The following IQCM variants were observed in gnomAD, a reference collection of about 807,000 sequenced individuals.
IQCM encodes IQ motif containing M.
In IQCM, 45 loss-of-function variants were observed where a neutral mutation model predicts 57.6. The observed-to-expected ratio is 0.78, with a 90% CI of 0.62 to 1.00. IQCM has a LOEUF of 1.00. Ranked by LOEUF, IQCM falls within the 50% of genes least tolerant of loss-of-function variation. IQCM has a pLI of 0.00. For synonymous variants in IQCM, 148 were observed against 158.9 expected (o/e 0.93, Z 0.51); for missense variants, 468 against 511.6 (o/e 0.91, Z 0.82).
intron 8 of IQCM, among the ~76,000 whole-genome samples, chr4:149,613,237 A>C (rs1755464311): frequency 6.6e-6 from 1 of 152,056 alleles, no homozygotes; most frequent in African/African-American, 2.4e-5. Flanking sequence ...AGAGAAGAAA[A>C]TATGATGAGG....
intron 12 of IQCM, among the ~76,000 whole-genome samples, chr4:149,546,925 GT>G (rs1748501261): frequency 6.6e-6 from 1 of 152,110 alleles, no homozygotes; most frequent in African/African-American, 2.4e-5. Flanking sequence ...TATTGCCTAG[GT>G]TTTCTTCTAG....
intron 8 of IQCM, among the ~76,000 whole-genome samples, chr4:149,619,655 T>C (rs1245044265): frequency 1.3e-5 from 2 of 152,110 alleles, no homozygotes; most frequent in South Asian, 4.1e-4. Context: ...ATTCAACAGG[T>C]AGATAAAAGA....
intron 12 of IQCM, among the ~76,000 whole-genome samples, chr4:149,502,377 G>A (rs1743340559): frequency 6.6e-6 from 1 of 152,144 alleles, no homozygotes; most frequent in South Asian, 2.1e-4. Flanking sequence ...AGAAATGGAA[G>A]AGGCTGGGTG....
At chr4:149,768,315 G>C (rs1174980543) in intron 2 of IQCM, among the ~76,000 whole-genome samples, 1 of 152,036 alleles carries the variant, frequency 6.6e-6, no homozygotes, top group Non-Finnish European at 1.5e-5. Flanking sequence ...CACACAATCT[G>C]CTGATAATAA....
intron 8 of IQCM, among the ~76,000 whole-genome samples, chr4:149,612,116 G>A (rs1755350772): frequency 6.6e-6 from 1 of 151,800 alleles, no homozygotes; most frequent in Non-Finnish European, 1.5e-5. Context: ...GAGAGCAAAG[G>A]AGGAAGTACC....
At chr4:149,809,150 C>T (rs553253697) in intron 2 of IQCM, among the ~76,000 whole-genome samples, 3 of 152,120 alleles carry the variant, frequency 2.0e-5, no homozygotes, top group African/African-American at 7.2e-5. Context: ...AAAAACCCAG[C>T]TACCCGGGAG....
chr4:149,472,485 T>C lies in IQCM; in HGVS notation c.1229-38928A>G, dbSNP rs532641395. ...CGAAATAAAAGAGGACACAAACAAA[T>C]GGAAGAATATTCCATGCCCATGGAT... On this transcript the variant is annotated intron_variant, in intron 12 of 13. Coordinates refer to ENST00000636793, the MANE Select transcript of IQCM (RefSeq NM_001363507.2). Among the ~76,000 whole-genome samples the C allele has an allele frequency of 5.3e-4, 80 of 152,230 alleles. 1 individual carries two copies. In the South Asian group the frequency reaches 0.017, roughly 32 times the overall value.
At chr4:149,562,569 T>C (rs1750229003) in intron 10 of IQCM, among the ~76,000 whole-genome samples, 1 of 152,178 alleles carries the variant, frequency 6.6e-6, no homozygotes, top group African/African-American at 2.4e-5. Flanking sequence ...TAGACAGACA[T>C]GGGTTTGAAT....
At chr4:149,519,308 T>C (rs1745340065) in intron 12 of IQCM, among the ~76,000 whole-genome samples, 1 of 152,220 alleles carries the variant, frequency 6.6e-6, no homozygotes, top group Non-Finnish European at 1.5e-5. Flanking sequence ...GCTTTTCTAT[T>C]AATCAGACCA....
At chr4:149,611,695 G>A (rs1755306454) in intron 8 of IQCM, among the ~76,000 whole-genome samples, 1 of 152,034 alleles carries the variant, frequency 6.6e-6, no homozygotes, top group African/African-American at 2.4e-5. Context: ...GAGTAATGGG[G>A]GTGGTGAGAT....
chr4:149,799,629 G>A (rs1773424655), intron 2 of IQCM, among the ~76,000 whole-genome samples: 1 of 151,576 alleles, frequency 6.6e-6, no homozygotes, highest in African/African-American at 2.4e-5. Flanking sequence ...AGTAAAATCG[G>A]AGATGAGAAA....
chr4:149,376,618 T>C (rs1158738462), intron 13 of IQCM, among the ~76,000 whole-genome samples: 1 of 152,196 alleles, frequency 6.6e-6, no homozygotes, highest in Non-Finnish European at 1.5e-5. Flanking sequence ...GTTGATGTTA[T>C]TCACAAATGG....
chr4:149,713,223 G>GC (rs1764711793), intron 5 of IQCM, among the ~76,000 whole-genome samples: 1 of 151,942 alleles, frequency 6.6e-6, no homozygotes, highest in Admixed American at 6.6e-5. Flanking sequence ...CCCCTACCAG[G>GC]CCCTGTGATT....
At chr4:149,515,758 G>A (rs543241618) in intron 12 of IQCM, among the ~76,000 whole-genome samples, 12 of 152,338 alleles carry the variant, frequency 7.9e-5, no homozygotes, top group African/African-American at 2.6e-4. Flanking sequence ...TTCACGGGCT[G>A]TAGCCAATGG....
chr4:149,775,610 T>C (rs2149997720), intron 2 of IQCM, among the ~76,000 whole-genome samples: 1 of 151,534 alleles, frequency 6.6e-6, no homozygotes, highest in South Asian at 2.1e-4. Flanking sequence ...AGCAGCTCAG[T>C]GATTCTAAGT....
chr4:149,607,074 A>G (rs1302763351), intron 8 of IQCM, among the ~76,000 whole-genome samples: 1 of 152,134 alleles, frequency 6.6e-6, no homozygotes, highest in East Asian at 1.9e-4. Context: ...AAAGAATACC[A>G]AGTGGATTCA....
chr4:149,387,638 C>T (rs924757562), intron 13 of IQCM, among the ~76,000 whole-genome samples: 4 of 151,896 alleles, frequency 2.6e-5, no homozygotes, highest in Non-Finnish European at 5.9e-5. Flanking sequence ...TAATTATTTT[C>T]CTCTGATAAT....
At chr4:149,581,592 G>A (rs914683397) in intron 9 of IQCM, among the ~76,000 whole-genome samples, 18 of 151,472 alleles carry the variant, frequency 1.2e-4, no homozygotes, top group African/African-American at 4.1e-4. Flanking sequence ...TTCAGAACTC[G>A]AATCAGTATG....
intron 9 of IQCM, among the ~76,000 whole-genome samples, chr4:149,576,642 C>G (rs1751688741): frequency 6.6e-6 from 1 of 151,896 alleles, no homozygotes; most frequent in Non-Finnish European, 1.5e-5. Flanking sequence ...ATCTAATCCA[C>G]CACTGATGGA....
Sources: allele counts gnomAD v4.1 joint callset (sites outside exome capture counted in the v4.1 genomes callset), GRCh38; gene constraint gnomAD v4.1.1; transcripts MANE v1.5; gene names NCBI Gene and HGNC (gene_info 2026-07-23, HGNC 2026-07-21).